STRIP2: variants seen among roughly 807,000 people sequenced by gnomAD.
STRIP2 encodes striatin interacting protein 2.
A neutral mutation model predicts 107.1 loss-of-function variants in STRIP2; 84 were observed. The observed-to-expected ratio is 0.78, with a 90% CI of 0.66 to 0.94. STRIP2 has a LOEUF of 0.94. Among genes scored for constraint, STRIP2 ranks in the 40% least tolerant of loss-of-function variants. The pLI, the probability that STRIP2 is intolerant of heterozygous loss-of-function variation, is 0.00. For missense variants in STRIP2, 888 were observed against 1,034.2 expected (o/e 0.86, Z 1.94); for synonymous variants, 394 against 400.4 (o/e 0.98, Z 0.19).
At chr7:129,457,941 G>A (rs940057095) in intron 9 of STRIP2, 4 of 450,968 alleles carry the variant, frequency 8.9e-6, no homozygotes, top group East Asian at 4.5e-5. Flanking sequence ...GCAAAAAAAG[G>A]CATCACTGCT....
intron 4 of STRIP2, among the ~76,000 whole-genome samples, chr7:129,452,781 T>C (rs1798231634): frequency 1.3e-5 from 2 of 152,254 alleles, no homozygotes; most frequent in South Asian, 4.1e-4. Context: ...ATCCAATGAC[T>C]AACAGGAGTT....
intron 17 of STRIP2, among the ~76,000 whole-genome samples, chr7:129,469,994 A>T (rs1798754685): frequency 6.6e-6 from 1 of 152,170 alleles, no homozygotes; most frequent in Admixed American, 6.5e-5. Context: ...TTATTTTGTA[A>T]CTATGTCCTT....
Position 129,459,543 on chromosome 7 carries a change from C to T in STRIP2, c.1367C>T (p.Pro456Leu). The T allele has an allele frequency of 6.2e-7, 1 of 1,613,926 alleles. No individual in the cohort carries two copies. The highest frequency in any genetic ancestry group is 8.5e-7 in the Non-Finnish European group (1 of 1,179,978). ...GACACAGATACATTGGTTGGATTAC[C>T]CAGGCCCATCCATGAGAGTGTGAAG... Reference protein sequence around the residue: ...GQDTDTLVGLPRPIHESVKTL... With the variant: ...GQDTDTLVGLLRPIHESVKTL... Residue 456 changes from proline (P) to leucine (L), a missense_variant, in exon 12 of 21, where the codon CCC becomes CTC. Transcript: ENST00000249344.
In STRIP2 at chr7:129,438,096, C is replaced by T. The variant is rs375434613; in HGVS notation, c.130-1926C>T. On this transcript the variant is annotated intron_variant, in intron 1 of 20. Coordinates refer to ENST00000249344, the MANE Select transcript of STRIP2 (RefSeq NM_020704.3). ...TTGGGATTACAGGCGTGAGCCACTG[C>T]GCCCGGCCAATTTGCTTTGTTGACA... is the stretch of plus-strand genomic sequence containing the variant. Among the ~76,000 whole-genome samples the T allele has an allele frequency of 1.2e-4, 18 of 152,294 alleles. 1 individual carries two copies. The highest frequency in any genetic ancestry group is 9.6e-4 in the East Asian group (5 of 5,184).
At chr7:129,456,416 C>A (rs746834958) in intron 8 of STRIP2, 23 bp from the exon 9 acceptor site, 1 of 1,609,190 alleles carries the variant, frequency 6.2e-7, no homozygotes, top group Non-Finnish European at 8.5e-7. Context: ...TCTCTCTCTG[C>A]CCCTTTCCTG....
At position 129,486,666 on chromosome 7, in the gene STRIP2, T is replaced by C. The variant is rs1799248895; in HGVS notation, c.*837T>C. 6.9e-6 allele frequency: 1 copy of C among 144,954 alleles called. No individual in the cohort carries two copies. The highest frequency in any genetic ancestry group is 1.6e-5 in the Non-Finnish European group (1 of 63,218). The allele number at this position is 144,954 out of a possible 1,614,324, so 9.0% of individuals were successfully genotyped here. A position where few individuals can be genotyped will look rare whatever the true frequency, so the allele number is the denominator to read the frequency against. On this transcript the variant is annotated 3_prime_UTR_variant, in exon 21 of 21. Coordinates refer to ENST00000249344, the MANE Select transcript of STRIP2 (RefSeq NM_020704.3). Reference sequence around the variant, plus strand: ...TTCATTTTTTAAATGACAAGTTAACTACAGGAGGCTTTATTTATTCAGATG... The same window carrying C: ...TTCATTTTTTAAATGACAAGTTAACCACAGGAGGCTTTATTTATTCAGATG...
intron 18 of STRIP2, among the ~76,000 whole-genome samples, chr7:129,476,523 C>T (rs1379867221): frequency 1.3e-5 from 2 of 151,050 alleles, no homozygotes; most frequent in Non-Finnish European, 3.0e-5. Flanking sequence ...CAGAGACGCT[C>T]CTCAGCTCCC....
chr7:129,447,758 G>A (rs1243539919), intron 3 of STRIP2, among the ~76,000 whole-genome samples: 1 of 152,240 alleles, frequency 6.6e-6, no homozygotes, highest in Non-Finnish European at 1.5e-5. Context: ...CAGAAGATGT[G>A]TTAATTTGCT....
chr7:129,472,839 T>G (rs1183321643), intron 18 of STRIP2, among the ~76,000 whole-genome samples: 1 of 127,128 alleles, frequency 7.9e-6, no homozygotes, highest in African/African-American at 2.9e-5. Context: ...CAGGCTGGAA[T>G]GCAGTGGTGT....
chr7:129,434,493 T>G lies in STRIP2; in HGVS notation c.21T>G (p.Pro7=), dbSNP rs1444713623. 3 of 1,516,102 alleles carry G rather than the reference T, an allele frequency of 2.0e-6. No homozygotes were observed. Among genetic ancestry groups the G allele is most frequent in the Non-Finnish European group, 2.6e-6 (3 of 1,138,792 alleles). The allele number at this position is 1,516,102 out of a possible 1,614,324, so 93.9% of individuals were successfully genotyped here. The stretch of plus-strand genomic sequence containing the variant: ...GCAGCATGGAGGACCCCGCCGCGCC[T>G]GGGACCGGGGGCCCGCCCGCAAATG... The part of the protein sequence containing the change: MEDPAA[P]GTGGPPANGN... Residue 7 remains proline, a synonymous_variant, in exon 1 of 21, where the codon CCT becomes CCG. Coordinates refer to ENST00000249344, the MANE Select transcript of STRIP2 (RefSeq NM_020704.3).
intron 11 of STRIP2, among the ~76,000 whole-genome samples, 199 bp from the exon 12 acceptor site, chr7:129,459,318 A>G (rs1393339166): frequency 6.6e-6 from 1 of 152,186 alleles, no homozygotes; most frequent in Non-Finnish European, 1.5e-5. Flanking sequence ...TGATTTCCAG[A>G]AACATTTCTG....
intron 20 of STRIP2, 122 bp from the exon 21 acceptor site, chr7:129,485,457 A>C: frequency 1.2e-6 from 1 of 836,952 alleles, no homozygotes; most frequent in Non-Finnish European, 1.6e-6. Context: ...GCTCTTTACA[A>C]AAAAAAAAAA....
chr7:129,482,355 CTATATA>C (rs201665090), intron 19 of STRIP2, among the ~76,000 whole-genome samples: 32 of 109,224 alleles, frequency 2.9e-4, no homozygotes, highest in East Asian at 2.4e-3. Context: ...CTCTCTCTCT[CTATATA>C]TATATATATA....
At position 129,454,429 on chromosome 7, in the gene STRIP2, T is replaced by C. The variant is rs761456126; in HGVS notation, c.608T>C (p.Leu203Pro). The C allele has an allele frequency of 1.2e-6, 2 of 1,613,370 alleles. No individual in the cohort carries two copies. Residue 203 changes from leucine (L) to proline (P), a missense_variant, in exon 7 of 21, where the codon CTG becomes CCG. Physicochemically the swap from Leu to Pro is moderately conservative, Grantham distance 98 (BLOSUM62 -3). Coordinates refer to ENST00000249344, the MANE Select transcript of STRIP2 (RefSeq NM_020704.3). ...IADSTELRVL[L>P]SVMYLMVENI... ...CTCTTCTGTAACCCCAGGGTGCTGCTGAGTGTTATGTACCTAATGGTGGAA... is the reference window on the plus strand; with the variant it reads ...CTCTTCTGTAACCCCAGGGTGCTGCCGAGTGTTATGTACCTAATGGTGGAA...
chr7:129,472,868 C>T (rs1176710025), intron 18 of STRIP2, among the ~76,000 whole-genome samples: 1 of 131,744 alleles, frequency 7.6e-6, no homozygotes, highest in Non-Finnish European at 1.6e-5. Context: ...CTCACTGAAA[C>T]CTCTGCCTCG....
At position 129,458,865 on chromosome 7, in the gene STRIP2, G is replaced by A; in HGVS notation, c.1340+88G>A. 1 of 1,311,556 alleles carries A rather than the reference G, an allele frequency of 7.6e-7. No homozygotes were observed. The highest frequency in any genetic ancestry group is 1.2e-5 in the South Asian group (1 of 83,742). The allele number at this position is 1,311,556 out of a possible 1,614,324, so 81.2% of individuals were successfully genotyped here. On this transcript the variant is annotated intron_variant, in intron 11 of 20. Coordinates refer to ENST00000249344, the MANE Select transcript of STRIP2 (RefSeq NM_020704.3). This position sits in a 1 kb window ranked among gnomAD's most constrained non-coding sequence, Gnocchi z 4.6. ...AGCTTGGAATGAGGGATGGTGCCTG[G>A]TGGTCATAATGTAACCTAGAGCCCC...
In STRIP2 at chr7:129,458,363, C is replaced by G. The variant is rs756587807; in HGVS notation, c.1187C>G (p.Pro396Arg). The G allele has an allele frequency of 1.2e-6, 2 of 1,614,076 alleles. No homozygotes were observed. Among genetic ancestry groups the G allele is most frequent in the Non-Finnish European group, 8.5e-7 (1 of 1,179,978 alleles). ...GAGCTAGACCTGCTAGAGCAGGACC[C>G]TCTGGTGCCACCTCCACCCTCACAG... The part of the protein sequence containing the change: ...DGELDLLEQD[P>R]LVPPPPSQAP... The change falls in exon 10 of 21, where the codon CCT becomes CGT. Residue 396 changes from proline to arginine, a missense_variant. Physicochemically the swap from Pro to Arg is moderately radical, Grantham distance 103 (BLOSUM62 -2). Transcript: ENST00000249344. This position sits in a 1 kb window ranked among gnomAD's most constrained non-coding sequence, Gnocchi z 4.6.
chr7:129,434,629 G>T, intron 1 of STRIP2, 28 bp downstream of exon 1: 2 of 1,448,684 alleles, frequency 1.4e-6, no homozygotes, highest in South Asian at 1.3e-5. Context: ...CTTCGGCTGG[G>T]GCCCGGAGAC....
chr7:129,451,231 A>G (rs1319934128), intron 3 of STRIP2, among the ~76,000 whole-genome samples: 2 of 151,776 alleles, frequency 1.3e-5, no homozygotes, highest in Non-Finnish European at 2.9e-5. Flanking sequence ...GAGCCACCGC[A>G]CCCGGCCGAG....
Sources: gnomAD v4.1 joint callset for allele counts (sites outside exome capture counted in the v4.1 genomes callset) on GRCh38, gnomAD v4.1.1 for gene constraint, Gnocchi (gnomAD v3.1) non-coding constraint, MANE v1.5 for transcripts, NCBI Gene and HGNC (gene_info 2026-07-23, HGNC 2026-07-21) for gene names.